Variants in FIRRM observed in about 807,000 individuals in gnomAD.
FIRRM encodes FIGNL1 interacting regulator of recombination and mitosis, also known as FIGNL1-interacting regulator of recombination and mitosis.
chr1:169,814,722 T>C, the FIRRM span, among the ~76,000 whole-genome samples: 1 of 152,252 alleles, frequency 6.6e-6, no homozygotes, highest in African/African-American at 2.4e-5. Context: ...TTCTTGTAAA[T>C]AGACAGTGTT....
the FIRRM span, among the ~76,000 whole-genome samples, chr1:169,833,117 C>T: frequency 3.3e-5 from 5 of 151,960 alleles, no homozygotes; most frequent in Non-Finnish European, 5.9e-5. Flanking sequence ...ATCCCCTGCC[C>T]CTTTTATTTT....
the FIRRM span, among the ~76,000 whole-genome samples, chr1:169,843,951 G>A: frequency 6.6e-5 from 10 of 152,134 alleles, no homozygotes; most frequent in African/African-American, 2.2e-4. Flanking sequence ...AATATATGGC[G>A]CTGTTAATTC....
chr1:169,847,612 C>A, the FIRRM span: 1 of 1,055,448 alleles, frequency 9.5e-7, no homozygotes, highest in Non-Finnish European at 1.4e-6. Flanking sequence ...ACATTTCCAT[C>A]CAAATCTTAG....
At chr1:169,830,141 T>A in the FIRRM span, 1 of 790,074 alleles carries the variant, frequency 1.3e-6, no homozygotes, top group Non-Finnish European at 2.0e-6. Flanking sequence ...ACTCCCCCAT[T>A]GAGGATCTGT....
the FIRRM span, chr1:169,853,861 T>TTTATC: frequency 2.1e-6 from 3 of 1,462,402 alleles, no homozygotes; most frequent in South Asian, 1.1e-5. Context: ...GAATTTAAAA[T>TTTATC]TTATCTTTTG....
At chr1:169,849,519 T>G in the FIRRM span, 6 of 1,613,926 alleles carry the variant, frequency 3.7e-6, no homozygotes, top group Non-Finnish European at 5.1e-6. Flanking sequence ...CTGCCCAACC[T>G]GTCCTGTATG....
the FIRRM span, chr1:169,830,462 A>G: frequency 2.0e-6 from 2 of 1,009,700 alleles, no homozygotes; most frequent in Non-Finnish European, 2.9e-6. Context: ...AATAATTCCC[A>G]AAACGCTTTG....
At chr1:169,846,556 C>T in the FIRRM span, among the ~76,000 whole-genome samples, 6 of 152,198 alleles carry the variant, frequency 3.9e-5, no homozygotes, top group Non-Finnish European at 8.8e-5. Context: ...TTGACTGCAG[C>T]TTCTTCATCA....
the FIRRM span, chr1:169,851,600 C>A: frequency 1.7e-6 from 1 of 584,872 alleles, no homozygotes; most frequent in Non-Finnish European, 2.9e-6. Context: ...TCATTTTTTC[C>A]TGCAAAGACA....
At chr1:169,803,044 T>A in the FIRRM span, 1 of 836,948 alleles carries the variant, frequency 1.2e-6, no homozygotes, top group Non-Finnish European at 1.9e-6. Context: ...AGACTAAAGT[T>A]CTGTGAAAAG....
At chr1:169,812,767 G>C in the FIRRM span, among the ~76,000 whole-genome samples, 1 of 151,850 alleles carries the variant, frequency 6.6e-6, no homozygotes, top group Non-Finnish European at 1.5e-5. Flanking sequence ...TGAGGCAGGA[G>C]GATCACTTGA....
the FIRRM span, chr1:169,836,835 A>C: frequency 3.4e-6 from 3 of 879,616 alleles, no homozygotes; most frequent in East Asian, 8.1e-5. Context: ...CTTTCTCGAA[A>C]TATTAAATGT....
At chr1:169,808,020 T>G in the FIRRM span, 1 of 1,225,948 alleles carries the variant, frequency 8.2e-7, no homozygotes, top group East Asian at 2.5e-5. Flanking sequence ...TCAGTCTATT[T>G]AAGAGGATTT....
chr1:169,823,824 T>G, the FIRRM span, among the ~76,000 whole-genome samples: 1 of 152,222 alleles, frequency 6.6e-6, no homozygotes, highest in African/African-American at 2.4e-5. Context: ...TTTAAGTCAC[T>G]TAGCCTCCAT....
the FIRRM span, chr1:169,852,661 G>A: frequency 2.2e-6 from 2 of 920,066 alleles, no homozygotes; most frequent in Non-Finnish European, 3.3e-6. Flanking sequence ...GGGGTTTTGG[G>A]GTGCATCCTC....
chr1:169,784,157 T>G, the FIRRM span, among the ~76,000 whole-genome samples: 1 of 152,124 alleles, frequency 6.6e-6, no homozygotes, highest in African/African-American at 2.4e-5. Context: ...TCAAGCAAAC[T>G]GGGGTGTGGG....
the FIRRM span, chr1:169,795,259 G>A: frequency 6.6e-7 from 1 of 1,521,804 alleles, no homozygotes. Flanking sequence ...GGGTGTGGGC[G>A]GGTCGCGAAC....
chr1:169,811,577 C>T, the FIRRM span, among the ~76,000 whole-genome samples: 1 of 152,030 alleles, frequency 6.6e-6, no homozygotes, highest in South Asian at 2.1e-4. Flanking sequence ...ATGCATTGAG[C>T]CCAGGAGATT....
At chr1:169,838,321 AG>A in the FIRRM span, among the ~76,000 whole-genome samples, 3 of 152,184 alleles carry the variant, frequency 2.0e-5, no homozygotes, top group South Asian at 6.2e-4. Flanking sequence ...AATGTGTCCG[AG>A]TTTAGCATTT....
Sources: gnomAD v4.1 joint callset for allele counts (sites outside exome capture counted in the v4.1 genomes callset) on GRCh38, gnomAD v4.1.1 for gene constraint, MANE v1.5 for transcripts, NCBI Gene and HGNC (gene_info 2026-07-23, HGNC 2026-07-21) for gene names.